The following PRTFDC1 variants were observed in gnomAD, a reference collection of about 807,000 sequenced individuals.
PRTFDC1 encodes phosphoribosyl transferase domain containing 1, also known as phosphoribosyltransferase domain-containing protein 1.
A neutral mutation model predicts 34.6 loss-of-function variants in PRTFDC1; 38 were observed. The ratio of observed to expected loss-of-function variants is 1.10; its 90% CI spans 0.85 to 1.44. PRTFDC1 has a LOEUF of 1.44. PRTFDC1 is among the 40% of genes most tolerant of loss of function. PRTFDC1 has a pLI of 0.00. For missense variants in PRTFDC1, 270 were observed against 283.0 expected, an observed-to-expected ratio of 0.95 and a Z score of 0.33; for synonymous variants, 93 against 98.1, an observed-to-expected ratio of 0.95 and a Z score of 0.31.
chr10:24,857,275 T>C (rs546092252), intron 5 of PRTFDC1, among the ~76,000 whole-genome samples: 19 of 152,314 alleles, frequency 1.2e-4, no homozygotes, highest in Admixed American at 3.3e-4. Context: ...GGACTCCTCG[T>C]TGAGTACACT....
intron 4 of PRTFDC1, among the ~76,000 whole-genome samples, chr10:24,869,918 A>G (rs189402265): frequency 2.0e-4 from 31 of 152,224 alleles, no homozygotes; most frequent in African/African-American, 7.2e-4. Context: ...TCTAATTTCT[A>G]TATAAGAGGA....
intron 3 of PRTFDC1, among the ~76,000 whole-genome samples, chr10:24,915,296 T>G (rs1471501961): frequency 6.6e-6 from 1 of 152,204 alleles, no homozygotes; most frequent in Non-Finnish European, 1.5e-5. Context: ...CAAAGACTCC[T>G]GACATTTGGA....
chr10:24,935,225 A>T lies in PRTFDC1; in HGVS notation c.339+1959T>A, dbSNP rs77807805. 9.8e-3 allele frequency among the ~76,000 whole-genome samples: 1,492 copies of T among 152,106 alleles called. 31 individuals carry two copies. The highest frequency in any genetic ancestry group is 0.035 in the African/African-American group (1,432 of 41,476). On this transcript the variant is annotated intron_variant, in intron 3 of 8. Coordinates refer to ENST00000320152, the MANE Select transcript of PRTFDC1 (RefSeq NM_020200.7). ...TGGCTCAATAAACCTGACTTTAATT[A>T]AAAAAAATGTTAACAGGTTTTTAAA...
chr10:24,882,839 T>TA (rs899549437), intron 3 of PRTFDC1, among the ~76,000 whole-genome samples: 7 of 149,934 alleles, frequency 4.7e-5, no homozygotes, highest in South Asian at 2.1e-4. Flanking sequence ...ATAAAAAAAG[T>TA]AAAAAAAAAT....
chr10:24,948,980 G>C (rs188981931), intron 1 of PRTFDC1, among the ~76,000 whole-genome samples: 83 of 152,278 alleles, frequency 5.5e-4, no homozygotes, highest in Non-Finnish European at 1.1e-3. Flanking sequence ...TATGCGACCT[G>C]GGTGATTTAC....
chr10:24,895,579 T>C (rs1304392058), intron 3 of PRTFDC1, among the ~76,000 whole-genome samples: 1 of 150,466 alleles, frequency 6.6e-6, no homozygotes, highest in Non-Finnish European at 1.5e-5. Context: ...TTCTACGCCT[T>C]AGAGAATGTG....
chr10:24,907,574 C>A (rs1051906634), intron 3 of PRTFDC1, among the ~76,000 whole-genome samples: 1 of 152,178 alleles, frequency 6.6e-6, no homozygotes, highest in African/African-American at 2.4e-5. Flanking sequence ...CTGGCCTGGG[C>A]AACAGAGTGA....
chr10:24,900,774 T>TCC (rs1848437086), intron 3 of PRTFDC1, among the ~76,000 whole-genome samples: 2 of 152,166 alleles, frequency 1.3e-5, no homozygotes, highest in Non-Finnish European at 2.9e-5. Flanking sequence ...ATGTTTATAT[T>TCC]TAGAATTAAA....
chr10:24,913,503 C>T (rs1848656451), intron 3 of PRTFDC1, among the ~76,000 whole-genome samples: 1 of 152,140 alleles, frequency 6.6e-6, no homozygotes, highest in South Asian at 2.1e-4. Flanking sequence ...ATTTCTTTGT[C>T]CCAGAGAATT....
At chr10:24,941,535 G>A (rs780945139) in intron 2 of PRTFDC1, among the ~76,000 whole-genome samples, 4 of 151,874 alleles carry the variant, frequency 2.6e-5, no homozygotes, top group Non-Finnish European at 5.9e-5. Context: ...AGGTGAAAAC[G>A]GACATTCTTG....
chr10:24,933,474 A>T (rs974188955), intron 3 of PRTFDC1, among the ~76,000 whole-genome samples: 1 of 152,228 alleles, frequency 6.6e-6, no homozygotes, highest in East Asian at 1.9e-4. Flanking sequence ...TATGAATAGC[A>T]AACCAGCAAA....
intron 3 of PRTFDC1, among the ~76,000 whole-genome samples, chr10:24,913,811 T>C (rs1198136871): frequency 6.6e-6 from 1 of 152,148 alleles, no homozygotes; most frequent in Non-Finnish European, 1.5e-5. Flanking sequence ...CACAAAGCAG[T>C]TGTAGATTCA....
intron 3 of PRTFDC1, among the ~76,000 whole-genome samples, chr10:24,874,000 T>A (rs573323580): frequency 6.6e-6 from 1 of 151,446 alleles, no homozygotes; most frequent in Non-Finnish European, 1.5e-5. Context: ...CTCAAACTCC[T>A]GGGCTCAAGC....
intron 3 of PRTFDC1, among the ~76,000 whole-genome samples, chr10:24,877,314 G>A (rs147172177): frequency 9.9e-5 from 15 of 151,980 alleles, no homozygotes; most frequent in African/African-American, 2.7e-4. Context: ...GATTATGGCC[G>A]TGAGCCATCC....
At chr10:24,884,241 C>A (rs1049752733) in intron 3 of PRTFDC1, among the ~76,000 whole-genome samples, 14 of 151,870 alleles carry the variant, frequency 9.2e-5, no homozygotes, top group African/African-American at 2.9e-4. Flanking sequence ...ACATCTTAAA[C>A]CAGCTCTCAT....
chr10:24,943,400 T>C (rs1849201733), intron 1 of PRTFDC1, among the ~76,000 whole-genome samples: 1 of 152,134 alleles, frequency 6.6e-6, no homozygotes, highest in South Asian at 2.1e-4. Flanking sequence ...GATGTGCTAG[T>C]TTTACGGTTA....
chr10:24,928,570 A>G (rs1258802946), intron 3 of PRTFDC1, among the ~76,000 whole-genome samples: 2 of 152,184 alleles, frequency 1.3e-5, no homozygotes, highest in South Asian at 2.1e-4. Context: ...CAGCCTCCCA[A>G]GTAGCTGGGA....
At chr10:24,951,485 G>GAGCC in intron 1 of PRTFDC1, 1 of 849,684 alleles carries the variant, frequency 1.2e-6, no homozygotes, top group Non-Finnish European at 1.4e-6. Context: ...ATTAAGCACT[G>GAGCC]AGCCCCACAT....
intron 3 of PRTFDC1, among the ~76,000 whole-genome samples, chr10:24,880,024 C>T (rs1848038155): frequency 1.3e-5 from 2 of 152,152 alleles, no homozygotes; most frequent in Admixed American, 6.5e-5. Context: ...GCCACAGCTC[C>T]ACTTTTTGTG....
Sources: gnomAD v4.1 joint callset for allele counts (sites outside exome capture counted in the v4.1 genomes callset) on GRCh38, gnomAD v4.1.1 for gene constraint, MANE v1.5 for transcripts, NCBI Gene and HGNC (gene_info 2026-07-23, HGNC 2026-07-21) for gene names.